Variants in WDTC1 observed in about 807,000 individuals in gnomAD.
The protein encoded by WDTC1 is WD and tetratricopeptide repeats protein 1.
A neutral mutation model predicts 76.0 loss-of-function variants in WDTC1; 12 were observed. The ratio of observed to expected loss-of-function variants is 0.16; its 90% CI spans 0.10 to 0.26. The LOEUF (loss-of-function observed/expected upper bound fraction) is 0.26, where lower values mean the gene tolerates loss of function less well. Ranked by LOEUF, WDTC1 falls within the 10% of genes least tolerant of loss-of-function variation. The pLI is 1.00. For synonymous variants in WDTC1, 326 were observed against 350.8 expected, an observed-to-expected ratio of 0.93 and a Z score of 0.79; for missense variants, 511 against 908.8, an observed-to-expected ratio of 0.56 and a Z score of 5.63.
At chr1:27,297,196 T>G (rs1349067276) in intron 11 of WDTC1, 40 bp downstream of exon 11, 1 of 1,520,258 alleles carries the variant, frequency 6.6e-7, no homozygotes, top group South Asian at 1.2e-5. Context: ...AAGCCCCAGT[T>G]ACACTATATG....
At chr1:27,304,793 T>C (rs1305013496) in intron 14 of WDTC1, 1 of 517,414 alleles carries the variant, frequency 1.9e-6, no homozygotes, top group African/African-American at 1.9e-5. Flanking sequence ...CTTGGAGAAA[T>C]CCAGGTAGTC....
chr1:27,253,164 A>C (rs1024990081), intron 1 of WDTC1, among the ~76,000 whole-genome samples: 11 of 151,552 alleles, frequency 7.3e-5, no homozygotes, highest in Non-Finnish European at 1.6e-4. Context: ...ACGTGCCACC[A>C]CACCTGGCTA....
At chr1:27,252,781 G>A (rs1009729072) in intron 1 of WDTC1, among the ~76,000 whole-genome samples, 3 of 151,632 alleles carry the variant, frequency 2.0e-5, no homozygotes, top group African/African-American at 7.3e-5. Flanking sequence ...CTGGGTGACA[G>A]ACCGAGACTC....
chr1:27,259,778 T>G (rs1232175301), intron 1 of WDTC1, among the ~76,000 whole-genome samples: 4 of 151,162 alleles, frequency 2.6e-5, no homozygotes, highest in African/African-American at 9.7e-5. Flanking sequence ...CCCAGCACTT[T>G]GGGAAGCTGA....
Position 27,305,909 on chromosome 1 carries a change from T to G in WDTC1, c.1837-277T>G, listed in dbSNP as rs1289500466. Among the ~76,000 whole-genome samples the G allele has an allele frequency of 6.6e-6, 1 of 152,104 alleles. No homozygotes were observed. The highest frequency in any genetic ancestry group is 6.5e-5 in the Admixed American group (1 of 15,274). On this transcript the variant is annotated intron_variant, in intron 15 of 15. Transcript: ENST00000319394. This position sits in a 1 kb window ranked among gnomAD's most constrained non-coding sequence, Gnocchi z 4.6. ...CCCAGTATGTGTGTCCAACATATCC[T>G]GGTGTGTACTGTCCCCCACGTATAT...
Position 27,263,217 on chromosome 1 carries a change from C to T in WDTC1, c.114C>T (p.Gly38=), listed in dbSNP as rs368577351. 6 of 1,613,128 alleles carry T rather than the reference C, an allele frequency of 3.7e-6. No homozygotes were observed. The highest frequency in any genetic ancestry group is 1.7e-5 in the Admixed American group (1 of 59,928). ...CTGACCCCTTTATCCGGCGGCTGGG[C>T]CTGGAAGCAGAGCTGCAGGTAAGAG... ...HVTDPFIRRL[G]LEAELQGHSG... is the part of the protein sequence containing the mutation. Residue 38 remains glycine (G), a synonymous_variant, in exon 3 of 16, where the codon GGC becomes GGT. Transcript: ENST00000319394.
chr1:27,235,394 CTGTGTG>C (rs139665541), intron 1 of WDTC1, among the ~76,000 whole-genome samples: 10,800 of 140,784 alleles, frequency 0.077, 495 homozygotes, highest in African/African-American at 0.12. Flanking sequence ...CTCTCTCTTT[CTGTGTG>C]TGTGTGTGTG....
chr1:27,292,105 C>G (rs1254688058), intron 6 of WDTC1, 110 bp from the exon 7 acceptor site: 2 of 1,152,924 alleles, frequency 1.7e-6, no homozygotes, highest in Non-Finnish European at 2.4e-6. Context: ...TATTTAGAAA[C>G]AGGTCCAAAG....
chr1:27,244,981 C>T (rs2011776407), intron 1 of WDTC1, among the ~76,000 whole-genome samples: 1 of 151,790 alleles, frequency 6.6e-6, no homozygotes, highest in Admixed American at 6.6e-5. Context: ...TCTCAGAGTC[C>T]ACCTCTCATT....
intron 3 of WDTC1, among the ~76,000 whole-genome samples, chr1:27,267,550 TCTC>T (rs1478600218): frequency 1.3e-5 from 2 of 152,156 alleles, no homozygotes; most frequent in African/African-American, 2.4e-5. Context: ...TAAAAAGTCA[TCTC>T]CTCATTATTT....
intron 5 of WDTC1, among the ~76,000 whole-genome samples, chr1:27,286,652 C>A (rs972438802): frequency 4.6e-5 from 7 of 150,618 alleles, no homozygotes; most frequent in Non-Finnish European, 1.0e-4. Context: ...TTAGTAGAGA[C>A]GGGGTTTCAC....
At chr1:27,293,433 A>AT (rs1048692681) in intron 7 of WDTC1, among the ~76,000 whole-genome samples, 11 of 32,032 alleles carry the variant, frequency 3.4e-4, no homozygotes, top group Admixed American at 2.5e-3. Context: ...CTCAGTCTCA[A>AT]TTAAAAAAAA....
At chr1:27,266,581 ATTG>A (rs2012681764) in intron 3 of WDTC1, among the ~76,000 whole-genome samples, 1 of 152,174 alleles carries the variant, frequency 6.6e-6, no homozygotes, top group Admixed American at 6.5e-5. Flanking sequence ...AGCTGCTATT[ATTG>A]TTGTTATTTA....
At chr1:27,254,549 C>T (rs987586599) in intron 1 of WDTC1, among the ~76,000 whole-genome samples, 16 of 151,986 alleles carry the variant, frequency 1.1e-4, no homozygotes, top group Non-Finnish European at 1.8e-4. Context: ...AGTGAGCTAT[C>T]GCGCCACTGC....
At chr1:27,246,175 A>C (rs1570937917) in intron 1 of WDTC1, among the ~76,000 whole-genome samples, 1 of 152,206 alleles carries the variant, frequency 6.6e-6, no homozygotes, top group Non-Finnish European at 1.5e-5. Context: ...GCAACTTGTC[A>C]CCACTATCTA....
intron 11 of WDTC1, 102 bp downstream of exon 11, chr1:27,297,258 T>C (rs779301534): frequency 1.7e-5 from 18 of 1,064,288 alleles, no homozygotes; most frequent in Non-Finnish European, 2.4e-5. Context: ...CCACACCCAC[T>C]CATGCATCCC....
At chr1:27,243,358 G>T (rs150701719) in intron 1 of WDTC1, among the ~76,000 whole-genome samples, 1 of 151,900 alleles carries the variant, frequency 6.6e-6, no homozygotes, top group East Asian at 1.9e-4. Context: ...GATTACAGGC[G>T]CCTGCCACCA....
At chr1:27,268,452 C>T (rs1021628157) in intron 3 of WDTC1, among the ~76,000 whole-genome samples, 3 of 151,118 alleles carry the variant, frequency 2.0e-5, no homozygotes, top group African/African-American at 4.9e-5. Flanking sequence ...AGAGTCTTGC[C>T]CTGTCACCCA....
intron 1 of WDTC1, among the ~76,000 whole-genome samples, chr1:27,245,082 C>T (rs946876836): frequency 6.6e-5 from 10 of 151,658 alleles, no homozygotes; most frequent in Non-Finnish European, 1.3e-4. Flanking sequence ...GAGCACAAGA[C>T]CCTAGATCTC....
Sources: gnomAD v4.1 joint callset for allele counts (sites outside exome capture counted in the v4.1 genomes callset) on GRCh38, gnomAD v4.1.1 for gene constraint, Gnocchi (gnomAD v3.1) non-coding constraint, MANE v1.5 for transcripts, NCBI Gene and HGNC (gene_info 2026-07-23, HGNC 2026-07-21) for gene names.